The following SPDYE4 variants were observed in gnomAD, a reference collection of about 807,000 sequenced individuals.
SPDYE4 encodes speedy/RINGO cell cycle regulator family member E4.
SPDYE4 carries 30 observed loss-of-function variants against 37.5 expected under a neutral mutation model. That is an observed-to-expected ratio of 0.80 (90% CI 0.60 to 1.09). The LOEUF (loss-of-function observed/expected upper bound fraction) is 1.09, where lower values mean the gene tolerates loss of function less well. Among genes scored for constraint, SPDYE4 ranks in the 50% least tolerant of loss-of-function variants. SPDYE4 has a pLI of 0.00. For synonymous variants in SPDYE4, 131 were observed against 120.3 expected (o/e 1.09, Z -0.58); for missense variants, 300 against 307.9 (o/e 0.97, Z 0.19).
intron 1 of SPDYE4, 45 bp from the exon 2 acceptor site, chr17:8,757,537 T>A (rs2086784037): frequency 6.3e-7 from 1 of 1,592,664 alleles, no homozygotes; most frequent in Non-Finnish European, 8.6e-7. Context: ...CTGCCATTGA[T>A]CACCTTAGAC....
rs1357069256 is a variant in SPDYE4, at chr17:8,753,463, T to C, written c.512A>G (p.Asp171Gly). ...ALYLASDMEE[D>G]NQAPKQDIFS... ...GATGTCTTGTTTCGGGGCCTGGTTG[T>C]CCTCCTCCATGTCACTGGCCAGGTA... Residue 171 changes from aspartate to glycine, a missense_variant, in exon 5 of 7, where the codon GAC becomes GGC. Coordinates refer to ENST00000689094, the MANE Select transcript of SPDYE4 (RefSeq NM_001394956.1). 2 of 1,613,676 alleles carry C rather than the reference T, an allele frequency of 1.2e-6. No individual in the cohort carries two copies. The highest frequency in any genetic ancestry group is 1.1e-5 in the South Asian group (1 of 90,998).
chr17:8,757,579 C>A, intron 1 of SPDYE4, 87 bp from the exon 2 acceptor site: 1 of 1,359,404 alleles, frequency 7.4e-7, no homozygotes, highest in South Asian at 1.4e-5. Flanking sequence ...ACTACTCTTC[C>A]ATCCTCCCAA....
Position 8,758,272 on chromosome 17 carries a change from A to G in SPDYE4, c.109+2T>C. On this transcript the variant is annotated splice_donor_variant, in intron 1 of 6. Transcript: ENST00000689094. LOFTEE classifies it high-confidence loss of function. ...CATCGCTTCTCCCTCCAGTCACCTC[A>G]CCTGATGGTCCTGGCACTTCATCAT... 1.3e-6 allele frequency: 2 copies of G among 1,535,624 alleles called. No homozygotes were observed. The highest frequency in any genetic ancestry group is 1.8e-6 in the Non-Finnish European group (2 of 1,139,224).
At position 8,753,132 on chromosome 17, in the gene SPDYE4, G is replaced by A. The variant is rs986939928; in HGVS notation, c.*6C>T. 5 of 1,613,958 alleles carry A rather than the reference G, an allele frequency of 3.1e-6. No individual in the cohort carries two copies. Among genetic ancestry groups the A allele is most frequent in the East Asian group, 2.2e-5 (1 of 44,842 alleles). On this transcript the variant is annotated 3_prime_UTR_variant, in exon 6 of 7. Transcript: ENST00000689094. ...GATGACCTCAGGCCTCCATGTCCCC[G>A]GAGCTCTAGGAAATGAGGGTGCGAT... is the stretch of plus-strand genomic sequence containing the variant.
chr17:8,753,922 C>T (rs2086751462), intron 4 of SPDYE4, among the ~76,000 whole-genome samples: 1 of 152,064 alleles, frequency 6.6e-6, no homozygotes, highest in South Asian at 2.1e-4. Context: ...CCTCCCACAC[C>T]CCCCTTCCTT....
At chr17:8,755,695 G>A (rs1250200784) in intron 3 of SPDYE4, 90 bp from the exon 4 acceptor site, 14 of 1,474,736 alleles carry the variant, frequency 9.5e-6, no homozygotes, top group South Asian at 4.7e-5. Context: ...GGGCTGGGGC[G>A]CGGTTGTCTA....
chr17:8,748,578 C>A (rs909436185), downstream of SPDYE4, among the ~76,000 whole-genome samples: 5 of 152,182 alleles, frequency 3.3e-5, no homozygotes, highest in Admixed American at 3.3e-4. Context: ...TTTGTTAGAA[C>A]AGAACAAACT....
At chr17:8,753,276 A>G in intron 5 of SPDYE4, 45 bp downstream of exon 5, 1 of 1,214,478 alleles carries the variant, frequency 8.2e-7, no homozygotes. Flanking sequence ...CCTCCAGTCC[A>G]CCCCATCCCT....
At position 8,752,088 on chromosome 17, in the gene SPDYE4, AC is replaced by A. The variant is rs1218618679; in HGVS notation, c.*193del. Reference sequence around the variant, plus strand: ...TACCTCCATGGCTCCTAGGAGGAAAACCTGGTCAATCTATTTTGCCCCTTCT... The same window carrying A: ...TACCTCCATGGCTCCTAGGAGGAAAACTGGTCAATCTATTTTGCCCCTTCT... On this transcript the variant is annotated 3_prime_UTR_variant, in exon 7 of 7. Transcript: ENST00000689094. 1.3e-5 allele frequency among the ~76,000 whole-genome samples: 2 copies of A among 152,070 alleles called. No individual in the cohort carries two copies. Among genetic ancestry groups the A allele is most frequent in the Non-Finnish European group, 2.9e-5 (2 of 67,994 alleles).
downstream of SPDYE4, among the ~76,000 whole-genome samples, chr17:8,747,847 G>C (rs979953077): frequency 6.6e-6 from 1 of 152,190 alleles, no homozygotes; most frequent in Non-Finnish European, 1.5e-5. Context: ...TTTTCATGCT[G>C]CTGATAAAGA....
chr17:8,755,624 TAGAG>T lies in SPDYE4; in HGVS notation c.400-23_400-20del, dbSNP rs1302568175. The T allele has an allele frequency of 4.4e-6, 7 of 1,607,410 alleles. No individual in the cohort carries two copies. Among genetic ancestry groups the T allele is most frequent in the East Asian group, 2.2e-5 (1 of 44,742 alleles). ...GGAGATACTGATGGAGAGAAGGGAGTAGAGAGAGAGAAAGGTTGGTCACATCCTG... is the reference window on the plus strand; with the variant it reads ...GGAGATACTGATGGAGAGAAGGGAGTAGAGAGAAAGGTTGGTCACATCCTG... On this transcript the variant is annotated intron_variant, in intron 3 of 6. Coordinates refer to ENST00000689094, the MANE Select transcript of SPDYE4 (RefSeq NM_001394956.1).
chr17:8,752,467 A>C (rs1364704768), intron 6 of SPDYE4, among the ~76,000 whole-genome samples: 1 of 152,230 alleles, frequency 6.6e-6, no homozygotes, highest in Admixed American at 6.5e-5. Flanking sequence ...GGTTAGCCCC[A>C]GTGATCTGCT....
chr17:8,752,168 C>T lies in SPDYE4; in HGVS notation c.*114G>A, dbSNP rs74223587. Among the ~76,000 whole-genome samples the T allele has an allele frequency of 1.5e-3, 227 of 152,280 alleles. 5 individuals carry two copies. In the East Asian group the frequency reaches 0.041, roughly 27 times the overall value. ...TGCACAGGAGGCTCCTCTCTCCCTT[C>T]CTGGTGTCTGGCATTAGCGTCGCGA... On this transcript the variant is annotated 3_prime_UTR_variant, in exon 7 of 7. Coordinates refer to ENST00000689094, the MANE Select transcript of SPDYE4 (RefSeq NM_001394956.1).
At position 8,757,502 on chromosome 17, in the gene SPDYE4, G is replaced by T; in HGVS notation, c.110-10C>A. The T allele has an allele frequency of 6.2e-7, 1 of 1,608,554 alleles. No individual in the cohort carries two copies. Among genetic ancestry groups the T allele is most frequent in the Non-Finnish European group, 8.5e-7 (1 of 1,177,296 alleles). ...GGATCTATCCAAGGGGCTGAGTGAA[G>T]AAACCAGGCCATGGTGTCATGTTTC... On this transcript the variant is annotated splice_polypyrimidine_tract_variant and intron_variant, in intron 1 of 6. Coordinates refer to ENST00000689094, the MANE Select transcript of SPDYE4 (RefSeq NM_001394956.1).
At chr17:8,752,984 C>T (rs375846840) in intron 6 of SPDYE4, 110 bp downstream of exon 6, 31 of 950,934 alleles carry the variant, frequency 3.3e-5, no homozygotes, top group South Asian at 6.2e-5. Flanking sequence ...TTTGTGGAGA[C>T]GGGGTGTCGC....
intron 4 of SPDYE4, 90 bp from the exon 5 acceptor site, chr17:8,753,579 C>T: frequency 1.3e-6 from 2 of 1,501,096 alleles, no homozygotes; most frequent in Non-Finnish European, 1.8e-6. Context: ...GGCAGGGGAC[C>T]TTCCTCAGCT....
At chr17:8,754,480 T>TG (rs1210757409) in intron 4 of SPDYE4, among the ~76,000 whole-genome samples, 1 of 152,042 alleles carries the variant, frequency 6.6e-6, no homozygotes, top group Non-Finnish European at 1.5e-5. Context: ...GAGGCTGAGG[T>TG]GGGAGCTTCA....
chr17:8,755,424 A>G (rs1206410032), intron 4 of SPDYE4, 96 bp downstream of exon 4: 1 of 1,393,458 alleles, frequency 7.2e-7, no homozygotes, highest in African/African-American at 1.4e-5. Context: ...AAAGAGGAGA[A>G]GTAGGGTAAA....
In SPDYE4 at chr17:8,754,555, A is replaced by T. The variant is rs547106789; in HGVS notation, c.485+965T>A. Among the ~76,000 whole-genome samples, 91 of 152,252 alleles carry T rather than the reference A, an allele frequency of 6.0e-4. No individual in the cohort carries two copies. The Middle Eastern group carries it at 0.017, about 28-fold the overall frequency. On this transcript the variant is annotated intron_variant, in intron 4 of 6. Transcript: ENST00000689094. ...TGGCTACTGCACTCCAGCCTGAGGGACAGAGCAAGTCTCTGTCCGGTAAAG... is the reference window on the plus strand; with the variant it reads ...TGGCTACTGCACTCCAGCCTGAGGGTCAGAGCAAGTCTCTGTCCGGTAAAG...
Sources: allele counts gnomAD v4.1 joint callset (sites outside exome capture counted in the v4.1 genomes callset), GRCh38; gene constraint gnomAD v4.1.1; transcripts MANE v1.5; gene names NCBI Gene and HGNC (gene_info 2026-07-23, HGNC 2026-07-21).